ZEB1: variants seen among roughly 807,000 people sequenced by gnomAD.
ZEB1 encodes the protein zinc finger E-box binding homeobox 1.
A neutral mutation model predicts 84.9 loss-of-function variants in ZEB1; 21 were observed. That is an observed-to-expected ratio of 0.25 (90% CI 0.18 to 0.36). The LOEUF (loss-of-function observed/expected upper bound fraction) is 0.36, where lower values mean the gene tolerates loss of function less well. Among genes scored for constraint, ZEB1 ranks in the 10% least tolerant of loss-of-function variants. ZEB1 has a pLI of 1.00. For synonymous variants in ZEB1, 420 were observed against 471.1 expected (o/e 0.89, Z 1.41); for missense variants, 1,104 against 1,330.2 (o/e 0.83, Z 2.65).
intron 1 of ZEB1, among the ~76,000 whole-genome samples, chr10:31,456,178 G>A (rs1391418569): frequency 1.3e-5 from 2 of 152,130 alleles, no homozygotes; most frequent in Non-Finnish European, 2.9e-5. Flanking sequence ...AACACCGCAT[G>A]TTCTCACTCA....
chr10:31,378,959 G>A (rs1230886275), intron 1 of ZEB1, among the ~76,000 whole-genome samples: 4 of 151,942 alleles, frequency 2.6e-5, no homozygotes, highest in South Asian at 2.1e-4. Flanking sequence ...TAAGAGGAGC[G>A]TATAAATCTC....
intron 2 of ZEB1, among the ~76,000 whole-genome samples, chr10:31,473,056 T>C (rs1490126477): frequency 2.7e-5 from 4 of 146,282 alleles, no homozygotes; most frequent in Admixed American, 6.7e-5. Flanking sequence ...ATGGGACGTA[T>C]TTCAAAATAA....
chr10:31,459,075 C>T (rs1441327429), intron 1 of ZEB1, among the ~76,000 whole-genome samples: 3 of 151,942 alleles, frequency 2.0e-5, no homozygotes, highest in Admixed American at 6.6e-5. Flanking sequence ...TAACATGAAG[C>T]CTATGTTTTA....
intron 3 of ZEB1, among the ~76,000 whole-genome samples, chr10:31,497,140 G>GTGT (rs578226738): frequency 0.021 from 3,213 of 152,160 alleles, 47 homozygotes; most frequent in South Asian, 0.055. Context: ...TTTGTTAGTA[G>GTGT]TAATACAGTA....
intron 1 of ZEB1, among the ~76,000 whole-genome samples, chr10:31,330,943 A>T: frequency 6.6e-6 from 1 of 151,702 alleles, no homozygotes; most frequent in African/African-American, 2.4e-5. Context: ...TACTCCTTTT[A>T]GCTCTGTGTC....
chr10:31,379,462 C>CAT (rs1190972161), intron 1 of ZEB1, among the ~76,000 whole-genome samples: 5 of 151,170 alleles, frequency 3.3e-5, no homozygotes, highest in East Asian at 1.9e-4. Context: ...TATATATATA[C>CAT]ATATATATAC....
At chr10:31,349,665 G>A (rs2040968032) in intron 1 of ZEB1, among the ~76,000 whole-genome samples, 4 of 152,174 alleles carry the variant, frequency 2.6e-5, no homozygotes, top group Admixed American at 2.0e-4. Context: ...TTTCCCTGAT[G>A]ATTAGTCATG....
intron 2 of ZEB1, among the ~76,000 whole-genome samples, chr10:31,462,715 T>C (rs1253579883): frequency 6.6e-6 from 1 of 152,206 alleles, no homozygotes; most frequent in Non-Finnish European, 1.5e-5. Flanking sequence ...TCAAGGAATT[T>C]GAACCTTATC....
intron 2 of ZEB1, among the ~76,000 whole-genome samples, chr10:31,474,097 C>T (rs1488270618): frequency 1.4e-4 from 22 of 152,188 alleles, no homozygotes; most frequent in East Asian, 3.9e-4. Context: ...AACCTAAAAC[C>T]GTAAAAACCC....
intron 1 of ZEB1, among the ~76,000 whole-genome samples, chr10:31,427,877 A>G (rs1050762864): frequency 2.7e-5 from 4 of 148,638 alleles, no homozygotes; most frequent in South Asian, 2.4e-4. Flanking sequence ...AAAAAAGGCA[A>G]TGAATCTCTA....
intron 1 of ZEB1, among the ~76,000 whole-genome samples, chr10:31,408,532 G>C (rs956947897): frequency 6.7e-6 from 1 of 148,852 alleles, no homozygotes; most frequent in Non-Finnish European, 1.5e-5. Flanking sequence ...GCATGGTACT[G>C]GTACCAAAAC....
intron 1 of ZEB1, among the ~76,000 whole-genome samples, chr10:31,347,933 A>T (rs1452724745): frequency 6.6e-6 from 1 of 152,178 alleles, no homozygotes; most frequent in Non-Finnish European, 1.5e-5. Context: ...CTTCAGGGGA[A>T]TTAGTGGGGA....
intron 6 of ZEB1, among the ~76,000 whole-genome samples, chr10:31,515,002 G>A (rs895172351): frequency 6.6e-6 from 1 of 152,024 alleles, no homozygotes; most frequent in African/African-American, 2.4e-5. Context: ...GAATGTAAAT[G>A]TCATTGCCTC....
chr10:31,524,039 T>G lies in ZEB1; in HGVS notation c.2711T>G (p.Met904Arg). The change falls in exon 8 of 9, where the codon ATG becomes AGG. Residue 904 changes from methionine (M) to arginine (R), a missense_variant. Transcript: ENST00000424869. ...AAAATGCGGAAGACAGAAAATGGAA[T>G]GTATGCTTGTGATTTGTGTGACAAG... ...KKKMRKTENG[M>R]YACDLCDKIF... 6.2e-7 allele frequency: 1 copy of G among 1,614,006 alleles called. No individual in the cohort carries two copies. The highest frequency in any genetic ancestry group is 8.5e-7 in the Non-Finnish European group (1 of 1,179,932).
At chr10:31,503,017 C>T (rs921455664) in intron 4 of ZEB1, among the ~76,000 whole-genome samples, 1 of 151,998 alleles carries the variant, frequency 6.6e-6, no homozygotes, top group Non-Finnish European at 1.5e-5. Flanking sequence ...GGCTGTGATA[C>T]AGTTTGGGAG....
chr10:31,465,784 A>T (rs1306536223), intron 2 of ZEB1, among the ~76,000 whole-genome samples: 3 of 139,122 alleles, frequency 2.2e-5, no homozygotes, highest in South Asian at 2.2e-4. Flanking sequence ...TGGCTAATTT[A>T]AAAAAAAAAA....
intron 6 of ZEB1, among the ~76,000 whole-genome samples, chr10:31,519,411 GC>G (rs1194390444): frequency 2.0e-5 from 3 of 152,164 alleles, no homozygotes; most frequent in African/African-American, 7.2e-5. Context: ...CTTTGACAGT[GC>G]GTGGCTTTTC....
intron 1 of ZEB1, among the ~76,000 whole-genome samples, chr10:31,454,682 T>A (rs1210456952): frequency 6.6e-6 from 1 of 151,972 alleles, no homozygotes; most frequent in Non-Finnish European, 1.5e-5. Flanking sequence ...AAGAATAAAG[T>A]ACCTAGGAAT....
chr10:31,514,781 A>G, intron 6 of ZEB1, 73 bp downstream of exon 6: 2 of 1,228,470 alleles, frequency 1.6e-6, no homozygotes, highest in Non-Finnish European at 1.2e-6. Flanking sequence ...CATAACATGT[A>G]ATCTACGTAC....
Sources: allele counts gnomAD v4.1 joint callset (sites outside exome capture counted in the v4.1 genomes callset), GRCh38; gene constraint gnomAD v4.1.1; transcripts MANE v1.5; gene names NCBI Gene and HGNC (gene_info 2026-07-23, HGNC 2026-07-21).